The following KCNMB2 variants were observed in gnomAD, a reference collection of about 807,000 sequenced individuals.
The protein encoded by KCNMB2 is potassium calcium-activated channel subfamily M regulatory beta subunit 2.
In KCNMB2, 9 loss-of-function variants were observed where a neutral mutation model predicts 24.5. That is an observed-to-expected ratio of 0.37 (90% confidence interval 0.22 to 0.64). KCNMB2 has a LOEUF of 0.64. Ranked by LOEUF, KCNMB2 falls within the 30% of genes least tolerant of loss-of-function variation. KCNMB2 has a pLI of 0.63. For missense variants in KCNMB2, 226 were observed against 284.3 expected, an observed-to-expected ratio of 0.79 and a Z score of 1.47; for synonymous variants, 109 against 104.4, an observed-to-expected ratio of 1.04 and a Z score of -0.27.
At chr3:178,723,445 T>TA (rs1722871428) in intron 1 of KCNMB2, among the ~76,000 whole-genome samples, 1 of 152,230 alleles carries the variant, frequency 6.6e-6, no homozygotes, top group African/African-American at 2.4e-5. Flanking sequence ...AGAGTGTTTT[T>TA]AATGCCTAAG....
intron 1 of KCNMB2, among the ~76,000 whole-genome samples, chr3:178,580,468 A>T (rs914023334): frequency 1.3e-4 from 20 of 152,336 alleles, no homozygotes; most frequent in African/African-American, 4.8e-4. Flanking sequence ...CAAGACAAGG[A>T]TGCCCTCTCT....
chr3:178,699,194 G>A (rs1043426183), intron 1 of KCNMB2, among the ~76,000 whole-genome samples: 2 of 152,228 alleles, frequency 1.3e-5, no homozygotes, highest in African/African-American at 4.8e-5. Flanking sequence ...CCTTCTCCAT[G>A]CCCTGCAAGC....
intron 1 of KCNMB2, among the ~76,000 whole-genome samples, chr3:178,597,574 G>C (rs1464472078): frequency 6.6e-6 from 1 of 152,252 alleles, no homozygotes; most frequent in East Asian, 1.9e-4. Flanking sequence ...TGCAAAGCAT[G>C]AATGGGAACA....
intron 1 of KCNMB2, among the ~76,000 whole-genome samples, chr3:178,674,409 C>T (rs1034605064): frequency 2.0e-5 from 3 of 152,164 alleles, no homozygotes; most frequent in Admixed American, 1.3e-4. Context: ...ACACTCATGT[C>T]TTCACCATTA....
intron 1 of KCNMB2, among the ~76,000 whole-genome samples, chr3:178,747,891 T>G (rs1055257314): frequency 9.9e-5 from 15 of 152,254 alleles, no homozygotes; most frequent in African/African-American, 2.9e-4. Context: ...ACCAGTTTTC[T>G]GTTGCTGTAG....
chr3:178,650,903 C>T (rs758301250), intron 1 of KCNMB2, among the ~76,000 whole-genome samples: 54 of 152,096 alleles, frequency 3.6e-4, no homozygotes, highest in African/African-American at 1.2e-3. Flanking sequence ...ATTGATGGAA[C>T]GTATCTCAAA....
intron 4 of KCNMB2, among the ~76,000 whole-genome samples, chr3:178,842,253 G>A (rs987954759): frequency 2.6e-5 from 4 of 152,104 alleles, no homozygotes; most frequent in Non-Finnish European, 5.9e-5. Flanking sequence ...TGATGGCAGA[G>A]TTGACATTCT....
intron 1 of KCNMB2, among the ~76,000 whole-genome samples, chr3:178,650,418 G>A (rs1350181522): frequency 6.6e-6 from 1 of 152,082 alleles, no homozygotes; most frequent in Non-Finnish European, 1.5e-5. Context: ...TCGATGATCT[G>A]TCTAATATTG....
intron 1 of KCNMB2, among the ~76,000 whole-genome samples, chr3:178,774,315 T>C (rs1429264843): frequency 6.6e-6 from 1 of 151,496 alleles, no homozygotes; most frequent in Non-Finnish European, 1.5e-5. Context: ...AGATACAAGG[T>C]GAAAAAAGAA....
intron 1 of KCNMB2, among the ~76,000 whole-genome samples, chr3:178,586,538 C>CTTTTTTTTTCTTTTTT (rs1717439508): frequency 1.5e-5 from 1 of 68,500 alleles, no homozygotes; most frequent in African/African-American, 5.7e-5. Context: ...TTTTTTCTTT[C>CTTTTTTTTTCTTTTTT]TTTTTTTTTT....
chr3:178,749,493 A>G (rs1202857943), intron 1 of KCNMB2, among the ~76,000 whole-genome samples: 3 of 152,232 alleles, frequency 2.0e-5, no homozygotes, highest in Non-Finnish European at 2.9e-5. Context: ...TCATCAGTAA[A>G]GTAAAGGAGG....
At chr3:178,677,680 A>G (rs192601690) in intron 1 of KCNMB2, among the ~76,000 whole-genome samples, 98 of 152,340 alleles carry the variant, frequency 6.4e-4, no homozygotes, top group African/African-American at 2.2e-3. Context: ...AAATTCAGAG[A>G]GCAAGCTTTA....
intron 1 of KCNMB2, among the ~76,000 whole-genome samples, chr3:178,548,371 A>C (rs1715843554): frequency 6.6e-6 from 1 of 152,176 alleles, no homozygotes; most frequent in African/African-American, 2.4e-5. Context: ...TTCCCTCATC[A>C]CAGCCATTGG....
chr3:178,685,865 CT>C (rs1329121478), intron 1 of KCNMB2, among the ~76,000 whole-genome samples: 3 of 152,032 alleles, frequency 2.0e-5, no homozygotes, highest in African/African-American at 7.2e-5. Flanking sequence ...TTATTTTTTG[CT>C]TTTTAAAAAT....
At chr3:178,715,007 A>G (rs938770236) in intron 1 of KCNMB2, among the ~76,000 whole-genome samples, 1 of 152,232 alleles carries the variant, frequency 6.6e-6, no homozygotes, top group Non-Finnish European at 1.5e-5. Flanking sequence ...AAAGAAAAAA[A>G]TATCTGACCA....
chr3:178,811,534 C>T (rs1334349086), intron 2 of KCNMB2, among the ~76,000 whole-genome samples: 1 of 152,110 alleles, frequency 6.6e-6, no homozygotes, highest in African/African-American at 2.4e-5. Flanking sequence ...CCAATGCTGG[C>T]GTGAGTCGCT....
chr3:178,842,537 G>T (rs1172624602), intron 4 of KCNMB2, 116 bp from the exon 5 acceptor site: 2 of 691,564 alleles, frequency 2.9e-6, no homozygotes, highest in Non-Finnish European at 4.9e-6. Context: ...AATATGAAAA[G>T]AATAACCACC....
At chr3:178,743,605 T>A (rs1175581178) in intron 1 of KCNMB2, among the ~76,000 whole-genome samples, 1 of 152,186 alleles carries the variant, frequency 6.6e-6, no homozygotes, top group African/African-American at 2.4e-5. Flanking sequence ...AATAGTGACA[T>A]TTTCCAATCT....
chr3:178,759,740 CCAAGAGGATATATCTATATAT>C (rs1380459313), intron 1 of KCNMB2, among the ~76,000 whole-genome samples: 2 of 25,752 alleles, frequency 7.8e-5, no homozygotes, highest in Non-Finnish European at 1.3e-4. Context: ...ATATATATAT[CCAAGAGGATATATCTATATAT>C]ATATATCCAA....
Sources: gnomAD v4.1 joint callset for allele counts (sites outside exome capture counted in the v4.1 genomes callset) on GRCh38, gnomAD v4.1.1 for gene constraint, MANE v1.5 for transcripts, NCBI Gene and HGNC (gene_info 2026-07-23, HGNC 2026-07-21) for gene names.